NEDD4L: variants seen among roughly 807,000 people sequenced by gnomAD.
NEDD4L encodes NEDD4 like E3 ubiquitin protein ligase, also known as E3 ubiquitin-protein ligase NEDD4-like.
In NEDD4L, 54 loss-of-function variants were observed where a neutral mutation model predicts 148.9. That is an observed-to-expected ratio of 0.36 (90% CI 0.29 to 0.45). The LOEUF is 0.45. Among genes scored for constraint, NEDD4L ranks in the 20% least tolerant of loss-of-function variants. The pLI is 1.00. For missense variants in NEDD4L, 856 were observed against 1,233.8 expected (o/e 0.69, Z 4.59); for synonymous variants, 433 against 440.7 (o/e 0.98, Z 0.22).
At chr18:58,188,894 C>T (rs962393251) in intron 2 of NEDD4L, among the ~76,000 whole-genome samples, 1 of 152,110 alleles carries the variant, frequency 6.6e-6, no homozygotes, top group Non-Finnish European at 1.5e-5. Flanking sequence ...AAGGTAGAAG[C>T]CAGGAGTGGA....
At chr18:58,173,107 C>T (rs1403779414) in intron 2 of NEDD4L, among the ~76,000 whole-genome samples, 1 of 152,124 alleles carries the variant, frequency 6.6e-6, no homozygotes, top group Non-Finnish European at 1.5e-5. Flanking sequence ...AAATTTCAAA[C>T]TCTTCTTTTT....
intron 5 of NEDD4L, among the ~76,000 whole-genome samples, chr18:58,273,009 G>C (rs2051290661): frequency 6.6e-6 from 1 of 152,236 alleles, no homozygotes; most frequent in African/African-American, 2.4e-5. Flanking sequence ...CTCAGGAGTG[G>C]CCTGTAAGCT....
intron 1 of NEDD4L, among the ~76,000 whole-genome samples, chr18:58,151,391 C>T (rs2034719003): frequency 6.6e-6 from 1 of 152,172 alleles, no homozygotes; most frequent in Non-Finnish European, 1.5e-5. Context: ...GTTAGCACAT[C>T]ATTACTCTTA....
At chr18:58,290,035 A>T (rs2054492120) in intron 5 of NEDD4L, among the ~76,000 whole-genome samples, 1 of 152,250 alleles carries the variant, frequency 6.6e-6, no homozygotes, top group Non-Finnish European at 1.5e-5. Context: ...TTGTATGATT[A>T]AAACAAAATA....
chr18:58,215,532 C>T (rs2043076401), intron 2 of NEDD4L, among the ~76,000 whole-genome samples: 1 of 152,046 alleles, frequency 6.6e-6, no homozygotes, highest in Non-Finnish European at 1.5e-5. Context: ...TGTTTTTTCT[C>T]ATTTGATTTA....
rs1350878989 is a variant in NEDD4L at position 58,165,773 on chromosome 18, T to C, written c.49-15T>C. Reference sequence around the variant, plus strand: ...ATCAGGTTTTTAACCTCTTTTTTTGTTCTCCTTCTCACAGGGAGAGTCCCG... The same window carrying C: ...ATCAGGTTTTTAACCTCTTTTTTTGCTCTCCTTCTCACAGGGAGAGTCCCG... On this transcript the variant is annotated splice_polypyrimidine_tract_variant and intron_variant, in intron 1 of 30. Coordinates refer to ENST00000400345, the MANE Select transcript of NEDD4L (RefSeq NM_001144967.3). 1 of 1,605,598 alleles carries C rather than the reference T, an allele frequency of 6.2e-7. No individual in the cohort carries two copies. Among genetic ancestry groups the C allele is most frequent in the Non-Finnish European group, 8.5e-7 (1 of 1,174,840 alleles).
intron 1 of NEDD4L, among the ~76,000 whole-genome samples, chr18:58,125,498 A>G (rs1460472566): frequency 6.6e-6 from 1 of 152,056 alleles, no homozygotes; most frequent in Admixed American, 6.6e-5. Context: ...TCATGGTAGA[A>G]ATGAAATCAC....
Position 58,316,017 on chromosome 18 carries a change from C to T in NEDD4L, c.333C>T (p.Pro111=). The change falls in exon 6 of 31, where the codon CCC becomes CCT. Residue 111 remains proline (P), a synonymous_variant. Coordinates refer to ENST00000400345, the MANE Select transcript of NEDD4L (RefSeq NM_001144967.3). ...RDDFLGQVDV[P]LSHLPTEDPT... The stretch of plus-strand genomic sequence containing the variant: ...ACTTCCTGGGCCAGGTGGACGTGCC[C>T]CTTAGTCACCTTCCGGTAAGGACAG... 1 of 1,613,500 alleles carries T rather than the reference C, an allele frequency of 6.2e-7. No homozygotes were observed. The highest frequency in any genetic ancestry group is 8.5e-7 in the Non-Finnish European group (1 of 1,179,440).
intron 1 of NEDD4L, among the ~76,000 whole-genome samples, chr18:58,085,372 C>T (rs979672505): frequency 2.0e-5 from 3 of 152,020 alleles, no homozygotes; most frequent in Non-Finnish European, 4.4e-5. Flanking sequence ...CTCTACCCAG[C>T]GTAGGGGGGT....
At chr18:58,347,597 T>C (rs956315654) in intron 16 of NEDD4L, among the ~76,000 whole-genome samples, 2 of 152,244 alleles carry the variant, frequency 1.3e-5, no homozygotes, top group African/African-American at 2.4e-5. Context: ...GTTCTGTGTA[T>C]GTCAGTGTAC....
At chr18:58,380,538 G>A (rs935190497) in intron 24 of NEDD4L, among the ~76,000 whole-genome samples, 5 of 151,866 alleles carry the variant, frequency 3.3e-5, no homozygotes, top group Admixed American at 1.3e-4. Context: ...GGCTGGTCTC[G>A]AACTCCTGAC....
intron 1 of NEDD4L, among the ~76,000 whole-genome samples, chr18:58,095,512 G>T (rs1172680942): frequency 7.3e-6 from 1 of 137,674 alleles, no homozygotes; most frequent in Non-Finnish European, 1.6e-5. Flanking sequence ...GGACTGGAAT[G>T]CAGAGGGGCC....
At chr18:58,339,635 A>G (rs2145097341) in intron 13 of NEDD4L, among the ~76,000 whole-genome samples, 1 of 152,254 alleles carries the variant, frequency 6.6e-6, no homozygotes, top group East Asian at 1.9e-4. Flanking sequence ...TATCAGCAGA[A>G]AGTTTTCTTA....
intron 1 of NEDD4L, among the ~76,000 whole-genome samples, chr18:58,081,994 T>G (rs372783153): frequency 2.0e-5 from 3 of 150,762 alleles, no homozygotes; most frequent in East Asian, 1.9e-4. Flanking sequence ...TGTTTGCATT[T>G]TAAAAAGGAA....
chr18:58,157,767 G>A (rs2035696834), intron 1 of NEDD4L, among the ~76,000 whole-genome samples: 1 of 152,080 alleles, frequency 6.6e-6, no homozygotes. Context: ...GAAAACACAG[G>A]CAATAGTCTT....
intron 5 of NEDD4L, among the ~76,000 whole-genome samples, chr18:58,296,901 A>T (rs1203365607): frequency 6.6e-6 from 1 of 152,096 alleles, no homozygotes; most frequent in Non-Finnish European, 1.5e-5. Context: ...CAGCCTGGGC[A>T]ATAGGGCAAG....
At chr18:58,264,066 T>G (rs1395273274) in intron 5 of NEDD4L, among the ~76,000 whole-genome samples, 1 of 152,160 alleles carries the variant, frequency 6.6e-6, no homozygotes. Context: ...ATAAAAGAGA[T>G]ATTAAGTTGT....
chr18:58,081,301 T>G (rs932898961), intron 1 of NEDD4L, among the ~76,000 whole-genome samples: 1 of 148,590 alleles, frequency 6.7e-6, no homozygotes, highest in Admixed American at 6.7e-5. Context: ...CTGCAAGCTC[T>G]GCCTCCTGGG....
chr18:58,135,758 G>T (rs1381256676), intron 1 of NEDD4L, among the ~76,000 whole-genome samples: 1 of 152,200 alleles, frequency 6.6e-6, no homozygotes, highest in East Asian at 1.9e-4. Context: ...CCCTTGATTT[G>T]TGGGATCGTT....
Sources: gnomAD v4.1 joint callset for allele counts (sites outside exome capture counted in the v4.1 genomes callset) on GRCh38, gnomAD v4.1.1 for gene constraint, MANE v1.5 for transcripts, NCBI Gene and HGNC (gene_info 2026-07-23, HGNC 2026-07-21) for gene names.